DMD: variants seen among roughly 807,000 people sequenced by gnomAD.
The protein encoded by DMD is dystrophin.
DMD carries 63 observed loss-of-function variants against 330.1 expected under a neutral mutation model. The ratio of observed to expected loss-of-function variants is 0.19; its 90% CI spans 0.16 to 0.24. The LOEUF (loss-of-function observed/expected upper bound fraction) is 0.24, where lower values mean the gene tolerates loss of function less well. Ranked by LOEUF, DMD falls within the 10% of genes least tolerant of loss-of-function variation. The probability of loss-of-function intolerance (pLI) is 1.00; values close to 1 mark genes in which losing one functional copy is unlikely to be tolerated. For synonymous variants in DMD, 1,223 were observed against 959.8 expected (o/e 1.27, Z -5.07); for missense variants, 3,344 against 2,684.1 (o/e 1.25, Z -5.43).
intron 48 of DMD, among the ~76,000 whole-genome samples, chrX:31,842,309 A>G (rs994278780): frequency 4.5e-5 from 5 of 112,056 alleles, no homozygotes; most frequent in Admixed American, 9.5e-5. Flanking sequence ...TGAGCAAAAC[A>G]AAGTGTTTTC....
In DMD at chrX:32,343,539, A is replaced by C. The variant is rs896531240; in HGVS notation, c.5587-253T>G. Among the ~76,000 whole-genome samples the C allele has an allele frequency of 4.5e-5, 5 of 111,943 alleles. No individual in the cohort carries two copies. The East Asian group carries it at 1.4e-3, about 32-fold the overall frequency. On this transcript the variant is annotated intron_variant, in intron 39 of 78. Coordinates refer to ENST00000357033, the MANE Select transcript of DMD (RefSeq NM_004006.3). The stretch of plus-strand genomic sequence containing the variant: ...CTTAGCATGTTCAAACTTGCTTAAA[A>C]ATTTTGTCACATTCAATTGACTCTT...
chrX:31,833,359 A>AAGAGAGAAAGAGAGAG (rs2093115840), intron 49 of DMD, among the ~76,000 whole-genome samples: 1 of 50,468 alleles, frequency 2.0e-5, no homozygotes, highest in African/African-American at 8.3e-5. Flanking sequence ...GAGGGAGGGA[A>AAGAGAGAAAGAGAGAG]AGAGAGAGAG....
chrX:32,420,627 C>A (rs762137742), intron 29 of DMD, among the ~76,000 whole-genome samples: 58 of 111,541 alleles, frequency 5.2e-4, no homozygotes, highest in Middle Eastern at 4.6e-3. Context: ...TGACAAAGAT[C>A]TCAGAGTGAA....
At chrX:32,731,825 A>G (rs946852380) in intron 7 of DMD, among the ~76,000 whole-genome samples, 3 of 112,102 alleles carry the variant, frequency 2.7e-5, no homozygotes, top group African/African-American at 9.7e-5. Flanking sequence ...AACAGAGCAG[A>G]AAAACTGGAA....
intron 59 of DMD, among the ~76,000 whole-genome samples, chrX:31,475,686 A>G (rs1603210757): frequency 8.9e-6 from 1 of 112,286 alleles, no homozygotes; most frequent in South Asian, 3.7e-4. Flanking sequence ...GTTTTCCAGT[A>G]CACAGCAAGG....
intron 1 of DMD, among the ~76,000 whole-genome samples, chrX:33,302,676 A>G (rs1476853118): frequency 1.8e-5 from 2 of 111,049 alleles, no homozygotes; most frequent in Admixed American, 9.7e-5. Context: ...GATTTCTCAT[A>G]TATCCCCTGC....
intron 60 of DMD, among the ~76,000 whole-genome samples, chrX:31,417,225 C>T (rs2061915274): frequency 1.8e-5 from 2 of 112,277 alleles, no homozygotes; most frequent in South Asian, 7.3e-4. Context: ...GGTATAAAGG[C>T]TGCTTTCTTG....
At chrX:33,218,513 T>C (rs1002480980) in intron 1 of DMD, among the ~76,000 whole-genome samples, 33 of 110,299 alleles carry the variant, frequency 3.0e-4, no homozygotes, top group Non-Finnish European at 3.4e-4. Flanking sequence ...TGTCTTTTTC[T>C]CTTTCACTGT....
chrX:31,182,008 C>G (rs2041209633), intron 68 of DMD, among the ~76,000 whole-genome samples: 1 of 112,377 alleles, frequency 8.9e-6, no homozygotes, highest in Non-Finnish European at 1.9e-5. Flanking sequence ...AACAGGTCAG[C>G]AGGGCTAAAG....
chrX:31,923,424 T>G (rs2094720688), intron 47 of DMD, among the ~76,000 whole-genome samples: 1 of 111,078 alleles, frequency 9.0e-6, no homozygotes, highest in Admixed American at 9.6e-5. Context: ...AGTAGTCCTT[T>G]AATAGATAGC....
rs1299816419 is a variant in DMD, at chrX:32,969,390, A to G, written c.93+50749T>C. On this transcript the variant is annotated intron_variant, in intron 2 of 78. Coordinates refer to ENST00000357033, the MANE Select transcript of DMD (RefSeq NM_004006.3). ...TATACATACATATATGCATGTATAC[A>G]TACATATACATAAAACATGTATGTA... 3.2e-5 allele frequency among the ~76,000 whole-genome samples: 3 copies of G among 93,104 alleles called. 1 individual carries two copies. The highest frequency in any genetic ancestry group is 6.1e-5 in the Non-Finnish European group (3 of 49,159). The allele number at this position is 93,104 out of a possible 115,157, so 80.8% of individuals were successfully genotyped here.
At chrX:32,318,428 G>A (rs1420820364) in intron 41 of DMD, among the ~76,000 whole-genome samples, 2 of 111,611 alleles carry the variant, frequency 1.8e-5, no homozygotes, top group African/African-American at 6.5e-5. Flanking sequence ...ATAATGGCAT[G>A]ACAATAACAG....
intron 44 of DMD, among the ~76,000 whole-genome samples, chrX:32,216,617 C>G (rs1343023470): frequency 9.0e-6 from 1 of 111,440 alleles, no homozygotes; most frequent in African/African-American, 3.3e-5. Flanking sequence ...CACACTGCCC[C>G]AAAGCCACAA....
chrX:32,765,072 C>T (rs2072805681), intron 7 of DMD, among the ~76,000 whole-genome samples: 1 of 109,209 alleles, frequency 9.2e-6, no homozygotes, highest in African/African-American at 3.3e-5. Context: ...CGATTATCTA[C>T]TCATGGTCTT....
intron 41 of DMD, among the ~76,000 whole-genome samples, chrX:32,317,839 C>CT (rs34543898): frequency 0.51 from 51,521 of 100,809 alleles, 11,303 homozygotes; most frequent in South Asian, 0.76. Flanking sequence ...GTGATGGAGC[C>CT]TTTTTTTTTT....
chrX:31,431,949 G>C (rs758367281), intron 60 of DMD, among the ~76,000 whole-genome samples: 1 of 108,932 alleles, frequency 9.2e-6, no homozygotes, highest in Non-Finnish European at 1.9e-5. Flanking sequence ...TGAGTAGTTG[G>C]GATTACAGGC....
Position 32,777,277 on chromosome X carries a change from T to TGGGGGGGGGGGGGGGGGG in DMD, c.649+32215_649+32216insCCCCCCCCCCCCCCCCCC, listed in dbSNP as rs546914107. ...CTAGTTTTTAAGTTTGGTTTCTGGTTGGGGGGGGAATCCTACCAAGCTAGG... is the reference window on the plus strand; with the variant it reads ...CTAGTTTTTAAGTTTGGTTTCTGGTTGGGGGGGGGGGGGGGGGGGGGGGGGGAATCCTACCAAGCTAGG... On this transcript the variant is annotated intron_variant, in intron 7 of 78. Coordinates refer to ENST00000357033, the MANE Select transcript of DMD (RefSeq NM_004006.3). Among the ~76,000 whole-genome samples the TGGGGGGGGGGGGGGGGGG allele has an allele frequency of 3.3e-3, 7 of 2,113 alleles. 1 individual carries two copies. Among genetic ancestry groups the TGGGGGGGGGGGGGGGGGG allele is most frequent in the African/African-American group, 6.2e-3 (2 of 323 alleles). The allele number at this position is 2,113 out of a possible 115,157, so 1.8% of individuals were successfully genotyped here. A position where few individuals can be genotyped will look rare whatever the true frequency, so the allele number is the denominator to read the frequency against.
intron 55 of DMD, among the ~76,000 whole-genome samples, chrX:31,525,886 T>C (rs1288419638): frequency 8.0e-5 from 9 of 112,450 alleles, no homozygotes; most frequent in African/African-American, 1.9e-4. Context: ...AAAATTCCCC[T>C]GTTTCACACT....
rs745661914 is a variant in DMD, at chrX:31,582,256, G to A, written c.8217+45417C>T. Among the ~76,000 whole-genome samples, 259 of 111,700 alleles carry A rather than the reference G, an allele frequency of 2.3e-3. 1 individual carries two copies. Among genetic ancestry groups the A allele is most frequent in the African/African-American group, 8.0e-3 (245 of 30,764 alleles). On this transcript the variant is annotated intron_variant, in intron 55 of 78. Coordinates refer to ENST00000357033, the MANE Select transcript of DMD (RefSeq NM_004006.3). ...ATTTTTAAAGAAAGAATAAGAATTC[G>A]TTGAGGATGGGAAGTTGGGTAGAAG...
Sources: gnomAD v4.1 joint callset for allele counts (sites outside exome capture counted in the v4.1 genomes callset) on GRCh38, gnomAD v4.1.1 for gene constraint, MANE v1.5 for transcripts, NCBI Gene and HGNC (gene_info 2026-07-23, HGNC 2026-07-21) for gene names.